Variants in RARB observed in about 807,000 individuals in gnomAD.
The protein encoded by RARB is retinoic acid receptor beta.
RARB carries 17 observed loss-of-function variants against 51.9 expected under a neutral mutation model. The ratio of observed to expected loss-of-function variants is 0.33; its 90% CI spans 0.22 to 0.49. The LOEUF (loss-of-function observed/expected upper bound fraction) is 0.49. Ranked by LOEUF, RARB falls within the 20% of genes least tolerant of loss-of-function variation. RARB has a pLI of 0.99. For synonymous variants in RARB, 215 were observed against 195.4 expected (o/e 1.10, Z -0.84); for missense variants, 369 against 550.8 (o/e 0.67, Z 3.30).
intron 5 of RARB, among the ~76,000 whole-genome samples, chr3:25,321,210 T>C (rs1025756258): frequency 4.6e-5 from 7 of 152,200 alleles, no homozygotes; most frequent in Non-Finnish European, 7.4e-5. Flanking sequence ...TTACAAGTTA[T>C]GTGTGATGCA....
In RARB at chr3:24,889,558, G is replaced by A. The variant is rs1008692833; in HGVS notation, c.-380+30806G>A. Among the ~76,000 whole-genome samples, 12 of 152,016 alleles carry A rather than the reference G, an allele frequency of 7.9e-5. No individual in the cohort carries two copies. In the East Asian group the frequency reaches 1.4e-3, roughly 17 times the overall value. ...CACATCTTTGCCAATTTTGGTGCTCGTGGAATCTTCATAACAAACATTTGC... is the reference window on the plus strand; with the variant it reads ...CACATCTTTGCCAATTTTGGTGCTCATGGAATCTTCATAACAAACATTTGC... On this transcript the variant is annotated intron_variant, in intron 2 of 11. Transcript: ENST00000383772.
At chr3:25,480,922 T>C (rs1559425510) in intron 2 of RARB, among the ~76,000 whole-genome samples, 1 of 152,182 alleles carries the variant, frequency 6.6e-6, no homozygotes, top group Non-Finnish European at 1.5e-5. Flanking sequence ...TAATTGATCC[T>C]ATTCCCAGAG....
intron 2 of RARB, among the ~76,000 whole-genome samples, chr3:24,886,512 A>G (rs1041566086): frequency 6.6e-6 from 1 of 150,736 alleles, no homozygotes; most frequent in African/African-American, 2.4e-5. Context: ...TGGCATAATC[A>G]TGGCTTACTG....
intron 5 of RARB, among the ~76,000 whole-genome samples, chr3:25,228,274 C>T (rs1330966815): frequency 7.7e-6 from 1 of 130,570 alleles, no homozygotes; most frequent in African/African-American, 3.1e-5. Context: ...TTTAAGGATA[C>T]TCTACTCTTT....
chr3:25,255,468 C>T (rs903577474), intron 5 of RARB, among the ~76,000 whole-genome samples: 1 of 152,070 alleles, frequency 6.6e-6, no homozygotes. Context: ...GGTACAATTA[C>T]AAATTCAGAA....
intron 2 of RARB, among the ~76,000 whole-genome samples, chr3:25,005,404 G>A (rs1319393697): frequency 6.6e-6 from 1 of 152,174 alleles, no homozygotes; most frequent in Non-Finnish European, 1.5e-5. Context: ...AGCTAGGACT[G>A]AAGGCTTACC....
At chr3:24,904,689 TCTA>T (rs1694816318) in intron 2 of RARB, among the ~76,000 whole-genome samples, 1 of 152,132 alleles carries the variant, frequency 6.6e-6, no homozygotes, top group South Asian at 2.1e-4. Flanking sequence ...TAGAAATCAT[TCTA>T]CTATGAAGAC....
intron 3 of RARB, among the ~76,000 whole-genome samples, chr3:25,539,739 G>A (rs1189549725): frequency 6.6e-6 from 1 of 151,666 alleles, no homozygotes; most frequent in African/African-American, 2.4e-5. Context: ...CATCTTCCTC[G>A]ATCCATACAC....
At chr3:25,295,900 A>T in intron 5 of RARB, among the ~76,000 whole-genome samples, 1 of 152,224 alleles carries the variant, frequency 6.6e-6, no homozygotes, top group East Asian at 1.9e-4. Context: ...ATTCTGAAGT[A>T]TCAGGACGGG....
chr3:25,421,380 G>C (rs570115688), intron 5 of RARB, among the ~76,000 whole-genome samples: 1 of 140,736 alleles, frequency 7.1e-6, no homozygotes, highest in Non-Finnish European at 1.5e-5. Flanking sequence ...TGCAGACATT[G>C]CACTAACATT....
At chr3:25,213,333 T>C (rs745826128) in intron 5 of RARB, among the ~76,000 whole-genome samples, 1 of 152,186 alleles carries the variant, frequency 6.6e-6, no homozygotes, top group South Asian at 2.1e-4. Context: ...TCCTTTTGTG[T>C]CTGACATCCT....
chr3:25,564,027 A>G (rs1700381851), intron 3 of RARB, among the ~76,000 whole-genome samples: 1 of 150,948 alleles, frequency 6.6e-6, no homozygotes, highest in Admixed American at 6.6e-5. Context: ...GTGAATCTAC[A>G]TCTTTTGCAT....
intron 2 of RARB, among the ~76,000 whole-genome samples, chr3:24,927,069 C>G (rs73051205): frequency 0.044 from 6,745 of 152,118 alleles, 183 homozygotes; most frequent in East Asian, 0.1. Context: ...AGCATGGCAG[C>G]TTGATCCAGT....
intron 3 of RARB, among the ~76,000 whole-genome samples, chr3:25,101,012 C>G (rs540233291): frequency 6.6e-6 from 1 of 152,138 alleles, no homozygotes; most frequent in Non-Finnish European, 1.5e-5. Context: ...ATTTACCTTG[C>G]ACAGGTAACA....
chr3:24,933,603 T>A (rs1695487515), intron 2 of RARB, among the ~76,000 whole-genome samples: 1 of 152,090 alleles, frequency 6.6e-6, no homozygotes, highest in African/African-American at 2.4e-5. Flanking sequence ...CTAAGACATA[T>A]ACTCACAGCT....
intron 2 of RARB, among the ~76,000 whole-genome samples, chr3:24,904,173 C>T (rs1298161095): frequency 6.6e-6 from 1 of 152,156 alleles, no homozygotes; most frequent in Non-Finnish European, 1.5e-5. Flanking sequence ...TCTTTAACTT[C>T]CAACTGTCTT....
intron 5 of RARB, among the ~76,000 whole-genome samples, chr3:25,224,835 G>C (rs980932341): frequency 1.1e-4 from 17 of 151,896 alleles, no homozygotes; most frequent in Admixed American, 1.0e-3. Flanking sequence ...GGACTCCTAG[G>C]CTCGAGCAAT....
rs114615354 is a variant in RARB at position 25,065,253 on chromosome 3, C to G, written c.-328+5077C>G. Among the ~76,000 whole-genome samples, 1,039 of 152,060 alleles carry G rather than the reference C, an allele frequency of 6.8e-3. 8 individuals carry two copies. The highest frequency in any genetic ancestry group is 0.023 in the African/African-American group (974 of 41,474). ...CTCCTGTTTTGTGTATCATTTTCTCCTATATCAAGTAGGAAGAAATATCAC... is the reference window on the plus strand; with the variant it reads ...CTCCTGTTTTGTGTATCATTTTCTCGTATATCAAGTAGGAAGAAATATCAC... On this transcript the variant is annotated intron_variant, in intron 3 of 11. Coordinates refer to the RARB transcript ENST00000383772.
chr3:25,053,785 G>A (rs1406483631), intron 2 of RARB, among the ~76,000 whole-genome samples: 1 of 152,092 alleles, frequency 6.6e-6, no homozygotes, highest in African/African-American at 2.4e-5. Flanking sequence ...AATCAGTTAC[G>A]GAACTGGAGC....
Sources: gnomAD v4.1 joint callset for allele counts (sites outside exome capture counted in the v4.1 genomes callset) on GRCh38, gnomAD v4.1.1 for gene constraint, MANE v1.5 for transcripts, NCBI Gene and HGNC (gene_info 2026-07-23, HGNC 2026-07-21) for gene names.